The following WDR44 variants were observed in gnomAD, a reference collection of about 807,000 sequenced individuals.
WDR44 encodes the protein WD repeat-containing protein 44.
A neutral mutation model predicts 65.7 loss-of-function variants in WDR44; 9 were observed. That is an observed-to-expected ratio of 0.14 (90% CI 0.08 to 0.24). WDR44 has a LOEUF of 0.24. Among genes scored for constraint, WDR44 ranks in the 10% least tolerant of loss-of-function variants. The probability of loss-of-function intolerance (pLI) is 1.00; values close to 1 mark genes in which losing one functional copy is unlikely to be tolerated. For missense variants in WDR44, 425 were observed against 670.9 expected (o/e 0.63, Z 4.05); for synonymous variants, 220 against 235.2 (o/e 0.94, Z 0.59).
chrX:118,360,334 G>A (rs1045611727), intron 1 of WDR44, among the ~76,000 whole-genome samples: 5 of 112,397 alleles, frequency 4.4e-5, no homozygotes, highest in African/African-American at 1.6e-4. Context: ...ACAGTCTCTT[G>A]TTCTCTAAAC....
intron 19 of WDR44, among the ~76,000 whole-genome samples, chrX:118,445,263 C>A (rs1360431956): frequency 1.8e-5 from 2 of 111,821 alleles, no homozygotes; most frequent in Admixed American, 1.9e-4. Flanking sequence ...CCACTGCACT[C>A]CAGCCTGTGT....
intron 1 of WDR44, among the ~76,000 whole-genome samples, chrX:118,375,459 A>T (rs780768028): frequency 4.7e-5 from 5 of 105,830 alleles, no homozygotes; most frequent in African/African-American, 1.7e-4. Flanking sequence ...AGGTGGGAGG[A>T]TCGCTTGAAG....
rs7885516 is a variant in WDR44, at chrX:118,358,422, A to G, written c.77+11842A>G. On this transcript the variant is annotated intron_variant, in intron 1 of 19. Transcript: ENST00000254029. ...TATGTTTACCTGTTTTGCTCAAAGT[A>G]AGGATTGGCCAGGTACAGAAGCTCA... is the stretch of plus-strand genomic sequence containing the variant. Among the ~76,000 whole-genome samples, 834 of 112,337 alleles carry G rather than the reference A, an allele frequency of 7.4e-3. 9 individuals carry two copies. The highest frequency in any genetic ancestry group is 0.026 in the African/African-American group (802 of 30,928).
intron 6 of WDR44, among the ~76,000 whole-genome samples, chrX:118,395,584 A>T (rs777806165): frequency 3.6e-5 from 4 of 111,988 alleles, no homozygotes; most frequent in Non-Finnish European, 7.5e-5. Context: ...AAAATACAGA[A>T]GAAAAAATGA....
chrX:118,402,607 G>A (rs1176045003), intron 8 of WDR44, among the ~76,000 whole-genome samples: 2 of 109,662 alleles, frequency 1.8e-5, no homozygotes, highest in African/African-American at 3.3e-5. Flanking sequence ...AATTAGCCAG[G>A]CATGGTGGTG....
At chrX:118,373,042 T>C (rs1353537208) in intron 1 of WDR44, among the ~76,000 whole-genome samples, 1 of 110,393 alleles carries the variant, frequency 9.1e-6, no homozygotes, top group Non-Finnish European at 1.9e-5. Context: ...TGAGCCAAGA[T>C]CATGCCACTG....
intron 12 of WDR44, among the ~76,000 whole-genome samples, chrX:118,427,129 A>G: frequency 9.0e-6 from 1 of 111,276 alleles, no homozygotes; most frequent in Non-Finnish European, 1.9e-5. Context: ...TTTAAGGGAT[A>G]AGAGTCTCCC....
In WDR44 at chrX:118,393,253, A is replaced by G; in HGVS notation, c.808A>G (p.Lys270Glu). The G allele has an allele frequency of 8.4e-7, 1 of 1,194,789 alleles. No homozygotes were observed. The highest frequency in any genetic ancestry group is 1.1e-6 in the Non-Finnish European group (1 of 890,759). Residue 270 changes from lysine to glutamate, a missense_variant, in exon 4 of 20, where the codon AAA (lysine) becomes GAA (glutamate). By Grantham distance (56) the Lys-to-Glu change is moderately conservative. Transcript: ENST00000254029. The part of the protein sequence containing the change: ...RKSELEFETL[K>E]TPDIDVPKEN... ...AAGCGAATTGGAATTTGAGACTCTG[A>G]AAACTCCTGATATAGATGGCAAGTA...
In WDR44 at chrX:118,376,657, CA is replaced by C. The variant is rs1446021748; in HGVS notation, c.78-1752del. Among the ~76,000 whole-genome samples the C allele has an allele frequency of 8.4e-5, 9 of 106,811 alleles. No homozygotes were observed. The South Asian group carries it at 2.0e-3, about 24-fold the overall frequency. 92.8% of individuals were successfully genotyped at this position (106,811 alleles called of 115,157 possible). A position where few individuals can be genotyped will look rare whatever the true frequency, so the allele number is the denominator to read the frequency against. On this transcript the variant is annotated intron_variant, in intron 1 of 19. Coordinates refer to ENST00000254029, the MANE Select transcript of WDR44 (RefSeq NM_019045.5). ...AAGCAGATATCAGACTGTTCCTATT[CA>C]AAAAAAAAATGTGGGGGAAAGGGTG...
At chrX:118,420,806 T>C (rs1429523601) in intron 12 of WDR44, among the ~76,000 whole-genome samples, 4 of 112,721 alleles carry the variant, frequency 3.5e-5, no homozygotes, top group African/African-American at 9.7e-5. Flanking sequence ...TTATTTTCCC[T>C]GAATCCAGCA....
intron 14 of WDR44, among the ~76,000 whole-genome samples, chrX:118,441,085 G>A (rs755498624): frequency 5.1e-4 from 52 of 102,472 alleles, no homozygotes; most frequent in Non-Finnish European, 8.8e-4. Flanking sequence ...TCAGCCTCCC[G>A]AGTAGCTGGG....
intron 13 of WDR44, among the ~76,000 whole-genome samples, chrX:118,436,364 T>C (rs767829921): frequency 8.9e-6 from 1 of 112,286 alleles, no homozygotes; most frequent in African/African-American, 3.2e-5. Flanking sequence ...AGATGCCTTA[T>C]ACTGATAGCT....
intron 3 of WDR44, among the ~76,000 whole-genome samples, chrX:118,390,871 C>A (rs1039014683): frequency 8.9e-6 from 1 of 111,775 alleles, no homozygotes; most frequent in African/African-American, 3.3e-5. Flanking sequence ...TGGTATAATA[C>A]AAAGATCACT....
chrX:118,420,316 A>G lies in WDR44; in HGVS notation c.1737+9357A>G, dbSNP rs749003962. On this transcript the variant is annotated intron_variant, in intron 12 of 19. Coordinates refer to ENST00000254029, the MANE Select transcript of WDR44 (RefSeq NM_019045.5). ...GCCGAGGCTGGAGTGCAGTGGCATG[A>G]TCTCGGCTCATTTGCAACCTGCGCC... Among the ~76,000 whole-genome samples, 5 of 110,687 alleles carry G rather than the reference A, an allele frequency of 4.5e-5. No individual in the cohort carries two copies. The East Asian group carries it at 1.4e-3, about 32-fold the overall frequency.
chrX:118,380,002 T>A (rs1007669592), intron 2 of WDR44, among the ~76,000 whole-genome samples: 2 of 111,811 alleles, frequency 1.8e-5, no homozygotes, highest in East Asian at 5.6e-4. Flanking sequence ...TTATAACAAA[T>A]AGATTTGGAG....
In WDR44 at chrX:118,392,732, G is replaced by A. The variant is rs1320986061; in HGVS notation, c.287G>A (p.Ser96Asn). ...GKELSDQATA[S>N]PIVARTDLSN... ...GAACTCTCTGATCAAGCTACTGCCA[G>A]TCCTATTGTGGCTAGAACAGATCTG... is the stretch of plus-strand genomic sequence containing the variant. Residue 96 changes from serine (S) to asparagine (N), a missense_variant, in exon 4 of 20, where the codon AGT (serine) becomes AAT (asparagine). Transcript: ENST00000254029. 1 of 1,210,119 alleles carries A rather than the reference G, an allele frequency of 8.3e-7. No individual in the cohort carries two copies. The highest frequency in any genetic ancestry group is 3.0e-5 in the East Asian group (1 of 33,794).
intron 1 of WDR44, among the ~76,000 whole-genome samples, chrX:118,362,322 A>G (rs1441566296): frequency 8.9e-6 from 1 of 112,028 alleles, no homozygotes; most frequent in Non-Finnish European, 1.9e-5. Flanking sequence ...TTTAATTGAT[A>G]TTTATCTAGA....
At chrX:118,369,532 G>T (rs1457669613) in intron 1 of WDR44, among the ~76,000 whole-genome samples, 1 of 83,537 alleles carries the variant, frequency 1.2e-5, no homozygotes. Context: ...TGCAGTGGCG[G>T]GATCTCGGCT....
rs1216179548 is a variant in WDR44 at position 118,412,240 on chromosome X, G to A, written c.1737+1281G>A. 3.6e-5 allele frequency among the ~76,000 whole-genome samples: 4 copies of A among 111,769 alleles called. No homozygotes were observed. The Admixed American group carries it at 3.8e-4, about 11-fold the overall frequency. On this transcript the variant is annotated intron_variant, in intron 12 of 19. Coordinates refer to ENST00000254029, the MANE Select transcript of WDR44 (RefSeq NM_019045.5). ...ACTACAAGGAATTACACATGGCTGG[G>A]AAAGGTGCATTTGTGAGATTGGTGG... is the stretch of plus-strand genomic sequence containing the variant.
Sources: gnomAD v4.1 joint callset for allele counts (sites outside exome capture counted in the v4.1 genomes callset) on GRCh38, gnomAD v4.1.1 for gene constraint, MANE v1.5 for transcripts, NCBI Gene and HGNC (gene_info 2026-07-23, HGNC 2026-07-21) for gene names.